The following MECR variants were observed in gnomAD, a reference collection of about 807,000 sequenced individuals.
MECR encodes the protein mitochondrial trans-2-enoyl-CoA reductase, also known as enoyl-[acyl-carrier-protein] reductase, mitochondrial.
In MECR, 37 loss-of-function variants were observed where a neutral mutation model predicts 49.1. The observed-to-expected ratio is 0.75, with a 90% CI of 0.58 to 0.99. The LOEUF is 0.99. Ranked by LOEUF, MECR falls within the 50% of genes least tolerant of loss-of-function variation. The pLI, the probability that MECR is intolerant of heterozygous loss-of-function variation, is 0.00. For missense variants in MECR, 470 were observed against 479.6 expected, an observed-to-expected ratio of 0.98 and a Z score of 0.19; for synonymous variants, 198 against 191.1, an observed-to-expected ratio of 1.04 and a Z score of -0.30.
chr1:29,181,898 C>G, the MECR span: 3 of 535,920 alleles, frequency 5.6e-6, no homozygotes, highest in Non-Finnish European at 5.8e-6. Context: ...TACGCGAGCA[C>G]GCAGCTCGCG....
chr1:29,211,022 T>C (rs879941171), intron 3 of MECR, among the ~76,000 whole-genome samples: 11 of 152,186 alleles, frequency 7.2e-5, no homozygotes, highest in African/African-American at 2.4e-4. Flanking sequence ...ATTGTTGAAC[T>C]TGGGGGTCAG....
chr1:29,184,011 T>C, the MECR span, among the ~76,000 whole-genome samples: 2 of 152,050 alleles, frequency 1.3e-5, no homozygotes, highest in African/African-American at 4.8e-5. Context: ...CTAGAGTAGC[T>C]GGGATTACAG....
chr1:29,179,794 CAT>C, the MECR span, among the ~76,000 whole-genome samples: 20 of 152,302 alleles, frequency 1.3e-4, no homozygotes, highest in East Asian at 2.1e-3. Context: ...TCAAAGTGCA[CAT>C]GTCATAATGC....
At chr1:29,222,661 A>G (rs960105406) in intron 1 of MECR, among the ~76,000 whole-genome samples, 1 of 152,224 alleles carries the variant, frequency 6.6e-6, no homozygotes, top group African/African-American at 2.4e-5. Context: ...TGGGAAGCCC[A>G]GCAGCTCTGC....
At chr1:29,211,562 A>G (rs988530834) in intron 3 of MECR, among the ~76,000 whole-genome samples, 1 of 152,250 alleles carries the variant, frequency 6.6e-6, no homozygotes, top group Non-Finnish European at 1.5e-5. Context: ...TGGCATTTGC[A>G]AAGATCATTG....
intron 7 of MECR, among the ~76,000 whole-genome samples, chr1:29,200,046 C>T (rs12722809): frequency 0.025 from 3,771 of 152,192 alleles, 70 homozygotes; most frequent in Middle Eastern, 0.085. Flanking sequence ...TAGGCATGAG[C>T]CACAGTGCCC....
intron 7 of MECR, among the ~76,000 whole-genome samples, chr1:29,196,909 G>A (rs1170007422): frequency 6.6e-6 from 1 of 152,158 alleles, no homozygotes; most frequent in Non-Finnish European, 1.5e-5. Context: ...GGAGGCTGAG[G>A]TGGGAAGATC....
intron 3 of MECR, among the ~76,000 whole-genome samples, chr1:29,215,584 A>T (rs960776146): frequency 6.6e-6 from 1 of 151,762 alleles, no homozygotes; most frequent in Non-Finnish European, 1.5e-5. Context: ...AAAAAAACAA[A>T]ACAAGGCCAA....
chr1:29,200,376 T>A, intron 7 of MECR, 140 bp downstream of exon 7: 1 of 707,996 alleles, frequency 1.4e-6, no homozygotes, highest in Non-Finnish European at 2.2e-6. Context: ...GCTGGATGAC[T>A]TTGGTCCTAG....
intron 7 of MECR, among the ~76,000 whole-genome samples, chr1:29,196,951 G>A (rs1674158639): frequency 1.3e-5 from 2 of 152,216 alleles, no homozygotes; most frequent in South Asian, 2.1e-4. Flanking sequence ...GCTGCAGTGA[G>A]CTGAGATTGC....
At chr1:29,178,196 G>A in the MECR span, among the ~76,000 whole-genome samples, 3 of 151,714 alleles carry the variant, frequency 2.0e-5, no homozygotes, top group African/African-American at 4.8e-5. Flanking sequence ...CACCGTGACC[G>A]GTCTAGACAA....
At position 29,209,208 on chromosome 1, in the gene MECR, GAATA is replaced by G. The variant is rs1188048449; in HGVS notation, c.407-2307_407-2304del. On this transcript the variant is annotated intron_variant, in intron 3 of 9. Transcript: ENST00000263702. ...GTGTAACACAAGCCTGTGTTTCACA[GAATA>G]CTTACCCTTACTATGTGTGATACTC... is the stretch of plus-strand genomic sequence containing the variant. 2.0e-5 allele frequency among the ~76,000 whole-genome samples: 3 copies of G among 150,362 alleles called. No homozygotes were observed. The Admixed American group carries it at 2.0e-4, about 10-fold the overall frequency.
chr1:29,184,388 GC>G, the MECR span, among the ~76,000 whole-genome samples: 1 of 152,000 alleles, frequency 6.6e-6, no homozygotes, highest in African/African-American at 2.4e-5. Flanking sequence ...TGTTGGCCAG[GC>G]TGGTCTCAAA....
downstream of MECR, among the ~76,000 whole-genome samples, chr1:29,188,001 C>T (rs1163503913): frequency 3.0e-5 from 4 of 135,336 alleles, no homozygotes; most frequent in African/African-American, 8.2e-5. Flanking sequence ...TGTGCCACTG[C>T]ACTCCAGCCT....
the MECR span, chr1:29,168,930 A>G: frequency 3.3e-5 from 5 of 152,260 alleles, no homozygotes; most frequent in Non-Finnish European, 7.3e-5. Flanking sequence ...GAAAGTTTAC[A>G]GACTTTCAAC....
At chr1:29,180,525 T>A in the MECR span, among the ~76,000 whole-genome samples, 42 of 152,346 alleles carry the variant, frequency 2.8e-4, no homozygotes, top group Non-Finnish European at 5.6e-4. Flanking sequence ...TAGGTAACTT[T>A]CAAAATGTTT....
At chr1:29,177,236 G>A in the MECR span, among the ~76,000 whole-genome samples, 11 of 151,384 alleles carry the variant, frequency 7.3e-5, no homozygotes, top group African/African-American at 2.4e-4. Context: ...CTTCCTTGAC[G>A]TGCATCTAGG....
chr1:29,197,566 T>C (rs1360939859), intron 7 of MECR, among the ~76,000 whole-genome samples: 1 of 152,188 alleles, frequency 6.6e-6, no homozygotes, highest in East Asian at 1.9e-4. Flanking sequence ...GTCTGTTGAT[T>C]AAGGATGACC....
chr1:29,200,426 CTGGCGA>C, intron 7 of MECR, 84 bp downstream of exon 7: 1 of 1,256,320 alleles, frequency 8.0e-7, no homozygotes, highest in Non-Finnish European at 1.1e-6. Context: ...TTGGCTCGAA[CTGGCGA>C]TGGGACTCAG....
Sources: gnomAD v4.1 joint callset for allele counts (sites outside exome capture counted in the v4.1 genomes callset) on GRCh38, gnomAD v4.1.1 for gene constraint, MANE v1.5 for transcripts, NCBI Gene and HGNC (gene_info 2026-07-23, HGNC 2026-07-21) for gene names.